Variants in MARK1 observed in about 807,000 individuals in gnomAD.
The protein encoded by MARK1 is microtubule affinity regulating kinase 1.
In MARK1, 40 loss-of-function variants were observed where a neutral mutation model predicts 96.3. The observed-to-expected ratio is 0.42, with a 90% CI of 0.32 to 0.54. The LOEUF (loss-of-function observed/expected upper bound fraction) is 0.54, where lower values mean the gene tolerates loss of function less well. Among genes scored for constraint, MARK1 ranks in the 20% least tolerant of loss-of-function variants. The pLI is 0.16. For missense variants in MARK1, 719 were observed against 984.6 expected, an observed-to-expected ratio of 0.73 and a Z score of 3.61; for synonymous variants, 317 against 341.2, an observed-to-expected ratio of 0.93 and a Z score of 0.78.
chr1:220,598,329 A>G lies in MARK1; in HGVS notation c.310-2A>G. On this transcript the variant is annotated splice_acceptor_variant, in intron 3 of 17. Transcript: ENST00000366917. LOFTEE classifies it high-confidence loss of function. ...AATATATCTACCTGTTTTCTTTAAC[A>G]GTTATTTCGAGAAGTACGAATAATG... 1 of 628,810 alleles carries G rather than the reference A, an allele frequency of 1.6e-6. No homozygotes were observed. 39.0% of individuals were successfully genotyped at this position (628,810 alleles called of 1,614,324 possible). A position where few individuals can be genotyped will look rare whatever the true frequency, so the allele number is the denominator to read the frequency against.
At chr1:220,549,774 G>A (rs1371394103) in intron 1 of MARK1, among the ~76,000 whole-genome samples, 1 of 152,188 alleles carries the variant, frequency 6.6e-6, no homozygotes, top group Non-Finnish European at 1.5e-5. Context: ...GGTTTATCCC[G>A]AGCTCAGCCT....
chr1:220,660,320 T>C (rs1354575998), intron 17 of MARK1, among the ~76,000 whole-genome samples: 1 of 152,190 alleles, frequency 6.6e-6, no homozygotes, highest in Non-Finnish European at 1.5e-5. Context: ...ATTAATGGTC[T>C]TTGGAAATTT....
At chr1:220,590,186 T>G (rs2786603) in intron 3 of MARK1, among the ~76,000 whole-genome samples, 142,967 of 152,254 alleles carry the variant, frequency 0.94, 67,838 homozygotes, top group East Asian at 1. Flanking sequence ...GGCAGGGGTT[T>G]AGGGGAGTCT....
At chr1:220,661,080 G>C (rs780000829) in intron 17 of MARK1, among the ~76,000 whole-genome samples, 6 of 152,220 alleles carry the variant, frequency 3.9e-5, no homozygotes, top group Non-Finnish European at 5.9e-5. Context: ...TCATGACAGA[G>C]GGAACAGTCT....
Position 220,617,513 on chromosome 1 carries a change from T to C in MARK1, c.553-797T>C, listed in dbSNP as rs534918951. Among the ~76,000 whole-genome samples the C allele has an allele frequency of 3.4e-3, 518 of 152,316 alleles. 2 individuals are homozygous for C. The highest frequency in any genetic ancestry group is 0.011 in the African/African-American group (458 of 41,574). On this transcript the variant is annotated intron_variant, in intron 7 of 17. Coordinates refer to ENST00000366917, the MANE Select transcript of MARK1 (RefSeq NM_018650.5). The stretch of plus-strand genomic sequence containing the variant: ...TTACTTTGTTAGTCTATCCATCCAT[T>C]GTAATAGAGTTTAAAATAAAACATG...
intron 1 of MARK1, among the ~76,000 whole-genome samples, chr1:220,568,903 G>T (rs1019555130): frequency 6.6e-6 from 1 of 152,084 alleles, no homozygotes; most frequent in African/African-American, 2.4e-5. Context: ...TTGTGACTAT[G>T]TCTGTAAAAC....
intron 1 of MARK1, among the ~76,000 whole-genome samples, chr1:220,558,852 A>G (rs1662473900): frequency 6.6e-6 from 1 of 152,174 alleles, no homozygotes; most frequent in South Asian, 2.1e-4. Context: ...TACTCTCAAA[A>G]CAGAATATAC....
chr1:220,655,695 C>T (rs1357175735), intron 16 of MARK1, among the ~76,000 whole-genome samples: 1 of 152,168 alleles, frequency 6.6e-6, no homozygotes, highest in Non-Finnish European at 1.5e-5. Flanking sequence ...CCTCATAGGT[C>T]TCCTAGTTTC....
chr1:220,562,013 T>C (rs1448530456), intron 1 of MARK1, among the ~76,000 whole-genome samples: 2 of 152,240 alleles, frequency 1.3e-5, no homozygotes, highest in African/African-American at 4.8e-5. Context: ...CTTACACTAA[T>C]ATATGTGTAT....
intron 1 of MARK1, among the ~76,000 whole-genome samples, chr1:220,563,631 C>G (rs564497832): frequency 6.6e-6 from 1 of 152,138 alleles, no homozygotes; most frequent in African/African-American, 2.4e-5. Context: ...CAGAGAAGAC[C>G]CCTCTGTGTA....
intron 6 of MARK1, among the ~76,000 whole-genome samples, chr1:220,613,718 G>A (rs918776815): frequency 6.6e-6 from 1 of 152,046 alleles, no homozygotes; most frequent in Non-Finnish European, 1.5e-5. Context: ...GAATTTTGAA[G>A]CATATTGCTT....
chr1:220,602,599 T>G (rs1665821048), intron 5 of MARK1, among the ~76,000 whole-genome samples: 1 of 152,112 alleles, frequency 6.6e-6, no homozygotes, highest in Non-Finnish European at 1.5e-5. Context: ...ATATCTAGAA[T>G]TAACTGCTAT....
rs997560914 is a variant in MARK1, at chr1:220,626,393, A to G, written c.910-4642A>G. The G allele has an allele frequency of 8.6e-5, 47 of 548,958 alleles. No homozygotes were observed. In the Admixed American group the frequency reaches 8.8e-4, roughly 10 times the overall value. 34.0% of individuals were successfully genotyped at this position (548,958 alleles called of 1,614,324 possible). A position where few individuals can be genotyped will look rare whatever the true frequency, so the allele number is the denominator to read the frequency against. On this transcript the variant is annotated intron_variant, in intron 9 of 17. Coordinates refer to ENST00000366917, the MANE Select transcript of MARK1 (RefSeq NM_018650.5). ...CAGGATATTGGGGCTGGCAAAGGCA[A>G]GTATTATGCTGTTAACTACCTGCTC... is the stretch of plus-strand genomic sequence containing the variant.
intron 7 of MARK1, among the ~76,000 whole-genome samples, chr1:220,616,579 C>A (rs1666762577): frequency 1.3e-5 from 2 of 152,120 alleles, no homozygotes; most frequent in Admixed American, 1.3e-4. Context: ...TTTGCATTGT[C>A]CCTTACATAG....
intron 1 of MARK1, among the ~76,000 whole-genome samples, chr1:220,554,052 A>C (rs922293127): frequency 1.4e-4 from 21 of 152,222 alleles, no homozygotes; most frequent in Non-Finnish European, 2.5e-4. Flanking sequence ...TAAGGGTAGA[A>C]GGGCCCAGAT....
At chr1:220,551,553 A>C (rs1158253415) in intron 1 of MARK1, among the ~76,000 whole-genome samples, 1 of 152,212 alleles carries the variant, frequency 6.6e-6, no homozygotes, top group African/African-American at 2.4e-5. Context: ...CTAACATGAT[A>C]CAAAAGTCTC....
At chr1:220,539,048 A>C (rs1660935901) in intron 1 of MARK1, among the ~76,000 whole-genome samples, 1 of 152,130 alleles carries the variant, frequency 6.6e-6, no homozygotes, top group African/African-American at 2.4e-5. Context: ...TTCCTAATTG[A>C]ATACCCTTTA....
chr1:220,583,814 A>ATTTTTTTTTTTTTTTT (rs34848222), intron 3 of MARK1, among the ~76,000 whole-genome samples: 1 of 105,206 alleles, frequency 9.5e-6, no homozygotes, highest in Non-Finnish European at 1.9e-5. Context: ...TGCCTGGCTA[A>ATTTTTTTTTTTTTTTT]TTTTTTTTTT....
chr1:220,577,656 A>G (rs1663959749), intron 1 of MARK1, among the ~76,000 whole-genome samples: 1 of 152,248 alleles, frequency 6.6e-6, no homozygotes, highest in Admixed American at 6.5e-5. Context: ...GTGCTGGACC[A>G]GGGATAACAC....
Sources: gnomAD v4.1 joint callset for allele counts (sites outside exome capture counted in the v4.1 genomes callset) on GRCh38, gnomAD v4.1.1 for gene constraint, MANE v1.5 for transcripts, NCBI Gene and HGNC (gene_info 2026-07-23, HGNC 2026-07-21) for gene names.